FAM227B: variants seen among roughly 807,000 people sequenced by gnomAD.
The protein encoded by FAM227B is protein FAM227B.
In FAM227B, 88 loss-of-function variants were observed where a neutral mutation model predicts 73.8. That is an observed-to-expected ratio of 1.19 (90% confidence interval 1.00 to 1.42). FAM227B has a LOEUF of 1.42. Among genes scored for constraint, FAM227B ranks in the 40% most tolerant of loss-of-function variants. The probability of loss-of-function intolerance (pLI) is 0.00; values close to 1 mark genes in which losing one functional copy is unlikely to be tolerated. For synonymous variants in FAM227B, 210 were observed against 190.5 expected (o/e 1.10, Z -0.84); for missense variants, 632 against 590.9 (o/e 1.07, Z -0.72).
intron 11 of FAM227B, chr15:49,422,746 T>C (rs1397379593): frequency 7.5e-7 from 1 of 1,328,150 alleles, no homozygotes; most frequent in Non-Finnish European, 1.0e-6. Flanking sequence ...ATTGTACTTA[T>C]ATTCATATTC....
chr15:49,374,434 T>C (rs1172733158), intron 11 of FAM227B, among the ~76,000 whole-genome samples: 1 of 152,070 alleles, frequency 6.6e-6, no homozygotes, highest in Non-Finnish European at 1.5e-5. Context: ...CCAGGAGAAA[T>C]AGAGAAAATA....
chr15:49,495,485 C>G (rs2057519587), intron 11 of FAM227B, among the ~76,000 whole-genome samples: 1 of 152,088 alleles, frequency 6.6e-6, no homozygotes, highest in Non-Finnish European at 1.5e-5. Flanking sequence ...TATGACTTAA[C>G]AAATTGCTAC....
intron 6 of FAM227B, 104 bp from the exon 7 acceptor site, chr15:49,576,949 A>G (rs2075484473): frequency 1.6e-6 from 1 of 619,300 alleles, no homozygotes; most frequent in Non-Finnish European, 2.8e-6. Context: ...ACTCACTAAC[A>G]TAATTACTTT....
chr15:49,490,676 G>A (rs951742632), intron 11 of FAM227B, among the ~76,000 whole-genome samples: 5 of 152,082 alleles, frequency 3.3e-5, no homozygotes, highest in Non-Finnish European at 5.9e-5. Context: ...TCAGAGGAAA[G>A]GGCATAGCTC....
chr15:49,329,013 T>G (rs1403708405), intron 15 of FAM227B: 200 of 1,009,344 alleles, frequency 2.0e-4, no homozygotes, highest in Non-Finnish European at 2.3e-4. Context: ...ATTACTTTCT[T>G]ATCACTCTTT....
At chr15:49,579,557 G>C (rs2075679816) in intron 5 of FAM227B, among the ~76,000 whole-genome samples, 1 of 152,172 alleles carries the variant, frequency 6.6e-6, no homozygotes, top group Non-Finnish European at 1.5e-5. Context: ...AGTATTATGT[G>C]TTCTTACTCA....
chr15:49,574,936 C>G, intron 8 of FAM227B, 75 bp downstream of exon 8: 1 of 852,228 alleles, frequency 1.2e-6, no homozygotes, highest in Non-Finnish European at 1.8e-6. Context: ...CATTTTTGTA[C>G]TAGACTTATC....
At chr15:49,402,247 CTTT>C (rs931928282) in intron 11 of FAM227B, among the ~76,000 whole-genome samples, 17 of 152,072 alleles carry the variant, frequency 1.1e-4, no homozygotes, top group Admixed American at 4.6e-4. Flanking sequence ...TATGGCTCTT[CTTT>C]GTTTTTGCAG....
chr15:49,548,072 CAG>C (rs1171942414), intron 9 of FAM227B, among the ~76,000 whole-genome samples: 1 of 152,182 alleles, frequency 6.6e-6, no homozygotes, highest in Non-Finnish European at 1.5e-5. Context: ...CAACTGGTGA[CAG>C]TGTGTATCCT....
At chr15:49,545,709 C>A (rs1308525232) in intron 9 of FAM227B, among the ~76,000 whole-genome samples, 1 of 152,066 alleles carries the variant, frequency 6.6e-6, no homozygotes, top group African/African-American at 2.4e-5. Context: ...CTGTTCAGTT[C>A]AAAGAATTTT....
At chr15:49,456,526 C>A (rs2053307000) in intron 11 of FAM227B, among the ~76,000 whole-genome samples, 1 of 152,054 alleles carries the variant, frequency 6.6e-6, no homozygotes, top group Non-Finnish European at 1.5e-5. Context: ...TATATGCAAG[C>A]ATTCAACTGG....
intron 11 of FAM227B, among the ~76,000 whole-genome samples, chr15:49,410,677 T>TA (rs1055335932): frequency 1.3e-4 from 19 of 151,912 alleles, no homozygotes; most frequent in Middle Eastern, 3.4e-3. Context: ...ACTTTTATCT[T>TA]AAAAAAAAGG....
At chr15:49,540,008 T>C (rs539854099) in intron 10 of FAM227B, among the ~76,000 whole-genome samples, 4 of 152,262 alleles carry the variant, frequency 2.6e-5, no homozygotes, top group African/African-American at 9.6e-5. Context: ...GTTTTGGATG[T>C]GAGTAGGTCC....
At chr15:49,392,416 C>G (rs1171265242) in intron 11 of FAM227B, among the ~76,000 whole-genome samples, 3 of 152,092 alleles carry the variant, frequency 2.0e-5, no homozygotes, top group African/African-American at 7.2e-5. Flanking sequence ...GATGAGGATG[C>G]AAAAGAGACT....
chr15:49,619,561 G>C (rs1040258746), intron 1 of FAM227B, among the ~76,000 whole-genome samples: 6 of 152,136 alleles, frequency 3.9e-5, no homozygotes, highest in Admixed American at 6.5e-5. Context: ...CCAAAGAAAA[G>C]CTGATGACTA....
intron 10 of FAM227B, among the ~76,000 whole-genome samples, chr15:49,520,132 T>C (rs1476813756): frequency 2.6e-5 from 4 of 152,096 alleles, no homozygotes; most frequent in South Asian, 2.1e-4. Context: ...TGCTAAAGAG[T>C]AGCAAGGAAC....
intron 11 of FAM227B, among the ~76,000 whole-genome samples, chr15:49,426,823 C>G (rs1178813759): frequency 6.6e-6 from 1 of 151,800 alleles, no homozygotes; most frequent in African/African-American, 2.4e-5. Context: ...ATTTTTACTT[C>G]TATAAACTTT....
intron 11 of FAM227B, among the ~76,000 whole-genome samples, chr15:49,408,595 G>C (rs2048672419): frequency 6.6e-6 from 1 of 151,966 alleles, no homozygotes; most frequent in Non-Finnish European, 1.5e-5. Context: ...TCTATTTTCT[G>C]CCTCTCTGTT....
At chr15:49,515,109 A>G (rs900499356) in intron 10 of FAM227B, among the ~76,000 whole-genome samples, 5 of 152,050 alleles carry the variant, frequency 3.3e-5, no homozygotes, top group African/African-American at 4.8e-5. Flanking sequence ...AATTACATAT[A>G]TGCCTGACAG....
Sources: allele counts gnomAD v4.1 joint callset (sites outside exome capture counted in the v4.1 genomes callset), GRCh38; gene constraint gnomAD v4.1.1; transcripts MANE v1.5; gene names NCBI Gene and HGNC (gene_info 2026-07-23, HGNC 2026-07-21).